The following AGBL1 variants were observed in gnomAD, a reference collection of about 807,000 sequenced individuals.
AGBL1 encodes AGBL carboxypeptidase 1.
A neutral mutation model predicts 118.9 loss-of-function variants in AGBL1; 130 were observed. The observed-to-expected ratio is 1.09, with a 90% CI of 0.95 to 1.26. AGBL1 has a LOEUF of 1.26. Among genes scored for constraint, AGBL1 ranks in the 50% most tolerant of loss-of-function variants. The pLI is 0.00. For missense variants in AGBL1, 1,584 were observed against 1,298.1 expected (o/e 1.22, Z -3.38); for synonymous variants, 555 against 478.9 (o/e 1.16, Z -2.08).
intron 17 of AGBL1, among the ~76,000 whole-genome samples, chr15:86,354,854 C>T (rs1474751088): frequency 2.0e-5 from 3 of 152,102 alleles, no homozygotes; most frequent in Non-Finnish European, 1.5e-5. Flanking sequence ...AAACAGAGAC[C>T]ATTTTGTGGC....
At chr15:86,097,029 C>A (rs528044840) in intron 1 of AGBL1, among the ~76,000 whole-genome samples, 3 of 152,136 alleles carry the variant, frequency 2.0e-5, no homozygotes, top group Non-Finnish European at 2.9e-5. Flanking sequence ...TGTACTGAGA[C>A]GCTCAAACCT....
chr15:86,917,656 AGGCGG>A (rs2080440588), downstream of AGBL1, among the ~76,000 whole-genome samples: 1 of 152,090 alleles, frequency 6.6e-6, no homozygotes, highest in Non-Finnish European at 1.5e-5. This position sits in a 1 kb window ranked among gnomAD's most constrained non-coding sequence, Gnocchi z 4.8. Context: ...TCCTTTAGTG[AGGCGG>A]TTTCTTGAAT....
chr15:86,895,160 C>A (rs914012098), intron 22 of AGBL1, among the ~76,000 whole-genome samples: 3 of 125,176 alleles, frequency 2.4e-5, no homozygotes, highest in African/African-American at 8.7e-5. Context: ...TTACTCTTTT[C>A]TTCTTTCTCT....
At chr15:86,535,519 A>G (rs2083413441) in intron 19 of AGBL1, among the ~76,000 whole-genome samples, 1 of 152,232 alleles carries the variant, frequency 6.6e-6, no homozygotes, top group Non-Finnish European at 1.5e-5. Context: ...ATCGATTCCT[A>G]TCCTCTTGGC....
chr15:86,409,710 A>C (rs1209263916), intron 18 of AGBL1, among the ~76,000 whole-genome samples: 3 of 152,158 alleles, frequency 2.0e-5, no homozygotes, highest in Non-Finnish European at 4.4e-5. Context: ...TCCCAGAAGC[A>C]TTAAATTAAA....
At chr15:86,552,852 T>C (rs2083682597) in intron 20 of AGBL1, among the ~76,000 whole-genome samples, 1 of 152,088 alleles carries the variant, frequency 6.6e-6, no homozygotes, top group Non-Finnish European at 1.5e-5. Flanking sequence ...TTTCCCTTTT[T>C]TAGATGATTG....
intron 22 of AGBL1, among the ~76,000 whole-genome samples, chr15:86,823,912 TGGA>T (rs998621929): frequency 1.3e-5 from 2 of 152,030 alleles, no homozygotes; most frequent in Non-Finnish European, 1.5e-5. Context: ...AAATTAGAAA[TGGA>T]GGAGAATTAC....
chr15:86,106,371 T>A (rs1164544240), intron 1 of AGBL1, among the ~76,000 whole-genome samples: 1 of 152,000 alleles, frequency 6.6e-6, no homozygotes, highest in Non-Finnish European at 1.5e-5. Flanking sequence ...AGAAGGAGGG[T>A]TGATATAATG....
In AGBL1 at chr15:86,662,460, T is replaced by G. The variant is rs115182000; in HGVS notation, c.2995-11813T>G. Among the ~76,000 whole-genome samples the G allele has an allele frequency of 2.7e-3, 404 of 152,364 alleles. 6 individuals are homozygous for G. The highest frequency in any genetic ancestry group is 9.4e-3 in the African/African-American group (391 of 41,594). ...GTCATTTGGACAGAAAGTTGGGATT[T>G]AGATCCCAGAGAGCTGACTACCAAA... On this transcript the variant is annotated intron_variant, in intron 21 of 22. Coordinates refer to ENST00000614907, the MANE Select transcript of AGBL1 (RefSeq NM_001386094.1).
chr15:86,286,692 T>G (rs181052706), intron 16 of AGBL1, among the ~76,000 whole-genome samples: 96 of 149,802 alleles, frequency 6.4e-4, no homozygotes, highest in Middle Eastern at 3.5e-3. Flanking sequence ...TATGTATATA[T>G]ATATGTGTGT....
chr15:86,719,661 C>A (rs564750214), intron 22 of AGBL1, among the ~76,000 whole-genome samples: 1 of 152,044 alleles, frequency 6.6e-6, no homozygotes, highest in African/African-American at 2.4e-5. Flanking sequence ...TTCCTTCTTT[C>A]CTTTTTATCC....
chr15:86,137,980 A>T (rs1017395577), intron 1 of AGBL1, among the ~76,000 whole-genome samples: 1 of 152,238 alleles, frequency 6.6e-6, no homozygotes, highest in Non-Finnish European at 1.5e-5. Context: ...GAAGTATAGA[A>T]GACAATGCTT....
chr15:86,920,055 G>A (rs538252552), downstream of AGBL1, among the ~76,000 whole-genome samples: 28 of 152,316 alleles, frequency 1.8e-4, no homozygotes, highest in African/African-American at 5.8e-4. Flanking sequence ...GTCTTAGGGT[G>A]AGTAAGTCAG....
chr15:86,354,869 A>T (rs976581983), intron 17 of AGBL1, among the ~76,000 whole-genome samples: 2 of 152,196 alleles, frequency 1.3e-5, no homozygotes, highest in African/African-American at 4.8e-5. Context: ...TGTGGCTGGA[A>T]TCAGACGTGG....
chr15:86,213,157 C>G (rs1469193596), intron 5 of AGBL1, among the ~76,000 whole-genome samples: 1 of 152,182 alleles, frequency 6.6e-6, no homozygotes, highest in Non-Finnish European at 1.5e-5. Flanking sequence ...TTCCTCAAAA[C>G]TAAAAGATCT....
chr15:86,729,242 A>T (rs1468432877), intron 22 of AGBL1, among the ~76,000 whole-genome samples: 1 of 152,192 alleles, frequency 6.6e-6, no homozygotes. Flanking sequence ...AATAGCTCAA[A>T]TGATTAACTA....
intron 1 of AGBL1, chr15:86,140,021 G>A (rs112979367): frequency 2.4e-4 from 42 of 173,290 alleles, no homozygotes; most frequent in African/African-American, 9.2e-4. Context: ...ATGATGTGGA[G>A]AGCCCCTGTC....
chr15:86,440,478 G>T (rs2082049145), intron 18 of AGBL1, among the ~76,000 whole-genome samples: 1 of 74,854 alleles, frequency 1.3e-5, no homozygotes, highest in Non-Finnish European at 2.4e-5. Context: ...ACCACCATGG[G>T]ATGGAGAATA....
At chr15:86,838,643 T>G (rs971854184) in intron 22 of AGBL1, among the ~76,000 whole-genome samples, 1 of 151,954 alleles carries the variant, frequency 6.6e-6, no homozygotes, top group East Asian at 1.9e-4. Flanking sequence ...GATAATATCA[T>G]GATGAGAATA....
Sources: gnomAD v4.1 joint callset for allele counts (sites outside exome capture counted in the v4.1 genomes callset) on GRCh38, gnomAD v4.1.1 for gene constraint, Gnocchi (gnomAD v3.1) non-coding constraint, MANE v1.5 for transcripts, NCBI Gene and HGNC (gene_info 2026-07-23, HGNC 2026-07-21) for gene names.